Variants in UBR3 observed in about 807,000 individuals in gnomAD.
UBR3 encodes ubiquitin protein ligase E3 component n-recognin 3.
UBR3 carries 85 observed loss-of-function variants against 243.2 expected under a neutral mutation model. The observed-to-expected ratio is 0.35, with a 90% CI of 0.29 to 0.42. The LOEUF (loss-of-function observed/expected upper bound fraction) is 0.42, where lower values mean the gene tolerates loss of function less well. Among genes scored for constraint, UBR3 ranks in the 10% least tolerant of loss-of-function variants. The pLI is 1.00. For missense variants in UBR3, 1,686 were observed against 2,300.8 expected (o/e 0.73, Z 5.47); for synonymous variants, 748 against 799.8 (o/e 0.94, Z 1.09).
At chr2:169,928,368 GTTCT>G (rs1377086939) in intron 17 of UBR3, among the ~76,000 whole-genome samples, 1 of 151,942 alleles carries the variant, frequency 6.6e-6, no homozygotes, top group Admixed American at 6.6e-5. Context: ...TTTTTCACAA[GTTCT>G]TTCTGTTTTT....
intron 1 of UBR3, among the ~76,000 whole-genome samples, chr2:169,850,026 G>A (rs1289940423): frequency 1.3e-5 from 2 of 152,084 alleles, no homozygotes; most frequent in African/African-American, 4.8e-5. Flanking sequence ...GTTTTGTAGT[G>A]GGCACACTTT....
In UBR3 at chr2:169,949,484, A is replaced by C. The variant is rs1170792067; in HGVS notation, c.3085-121A>C. ...AGAAATTTATTTAAAGAGCAAATCT[A>C]TTGAATAAATCTTTGTATGAAACTG... On this transcript the variant is annotated intron_variant, in intron 22 of 38. Coordinates refer to ENST00000272793, the MANE Select transcript of UBR3 (RefSeq NM_172070.4). The C allele has an allele frequency of 5.5e-6, 5 of 902,784 alleles. No homozygotes were observed. In the East Asian group the frequency reaches 1.4e-4, roughly 25 times the overall value. 55.9% of individuals were successfully genotyped at this position (902,784 alleles called of 1,614,324 possible).
At chr2:170,076,391 A>G (rs917299688) in intron 36 of UBR3, among the ~76,000 whole-genome samples, 1 of 152,062 alleles carries the variant, frequency 6.6e-6, no homozygotes, top group Non-Finnish European at 1.5e-5. Flanking sequence ...TGATGTAACC[A>G]TTTTACTTAT....
At chr2:169,901,721 A>G (rs926025060) in intron 8 of UBR3, among the ~76,000 whole-genome samples, 1 of 152,242 alleles carries the variant, frequency 6.6e-6, no homozygotes, top group African/African-American at 2.4e-5. Context: ...TTATAGTAGT[A>G]TGTGATTCCT....
Position 169,958,454 on chromosome 2 carries a change from G to C in UBR3, c.3562G>C (p.Glu1188Gln), listed in dbSNP as rs751006151. 21 of 1,613,124 alleles carry C rather than the reference G, an allele frequency of 1.3e-5. No individual in the cohort carries two copies. The highest frequency in any genetic ancestry group is 1.8e-5 in the Non-Finnish European group (21 of 1,179,340). The change falls in exon 24 of 39, where the codon GAG (glutamate) becomes CAG (glutamine). Residue 1188 changes from glutamate (E) to glutamine (Q), a missense_variant. By Grantham distance (29) the Glu-to-Gln change is conservative. Around this residue, in one of 8 missense-constraint regions of UBR3, gnomAD observed 156 missense variants for 246.3 expected, o/e 0.63. Coordinates refer to ENST00000272793, the MANE Select transcript of UBR3 (RefSeq NM_172070.4). ...DKEERRQKAR[E>Q]RQQKLLAEFA... Reference sequence around the variant, plus strand: ...TTAATCTAGGCGACAGAAGGCTAGAGAGAGGCAGCAGAAATTGCTTGCGGA... The same window carrying C: ...TTAATCTAGGCGACAGAAGGCTAGACAGAGGCAGCAGAAATTGCTTGCGGA...
chr2:170,029,386 T>C lies in UBR3; in HGVS notation c.4494T>C (p.Tyr1498=), dbSNP rs2090612789. ...FHVLALHMRL[Y]SIDSEYNPWR... is the part of the protein sequence containing the mutation. The stretch of plus-strand genomic sequence containing the variant: ...TATTAGCCTTGCACATGCGGCTTTA[T>C]AGCATTGACTCTGAGTATAATCCCT... Residue 1498 remains tyrosine, a synonymous_variant, in exon 31 of 39, where the codon TAT becomes TAC. Coordinates refer to ENST00000272793, the MANE Select transcript of UBR3 (RefSeq NM_172070.4). The C allele has an allele frequency of 3.1e-6, 5 of 1,611,692 alleles. No individual in the cohort carries two copies. Among genetic ancestry groups the C allele is most frequent in the Non-Finnish European group, 1.7e-6 (2 of 1,178,722 alleles).
intron 1 of UBR3, among the ~76,000 whole-genome samples, chr2:169,858,599 AATTT>A (rs1479365050): frequency 6.6e-6 from 1 of 151,212 alleles, no homozygotes; most frequent in Non-Finnish European, 1.5e-5. Context: ...ATTTATTTGA[AATTT>A]ATTTATTTAT....
At chr2:170,070,498 GA>G (rs1386472140) in intron 35 of UBR3, among the ~76,000 whole-genome samples, 1 of 151,578 alleles carries the variant, frequency 6.6e-6, no homozygotes, top group East Asian at 1.9e-4. Flanking sequence ...AGGTAGGCAA[GA>G]AAAAGAAAAA....
rs749215297 is a variant in UBR3 at position 169,896,571 on chromosome 2, A to G, written c.1301A>G (p.His434Arg). ...AFIMKTLKKS[H>R]ESDTMSNRIV... ...ATTATGAAAACACTGAAGAAAAGTC[A>G]TGAATCAGACACAATGTCTAACAGA... Residue 434 changes from histidine (H) to arginine (R), a missense_variant, in exon 8 of 39, where the codon CAT becomes CGT. His to Arg is a conservative substitution (Grantham distance 29, BLOSUM62 0). Transcript: ENST00000272793. 6.4e-7 allele frequency: 1 copy of G among 1,550,622 alleles called. No individual in the cohort carries two copies. The highest frequency in any genetic ancestry group is 1.4e-5 in the African/African-American group (1 of 73,156).
chr2:169,971,652 TTC>T (rs2088152485), intron 24 of UBR3, among the ~76,000 whole-genome samples: 3 of 152,178 alleles, frequency 2.0e-5, no homozygotes, highest in Non-Finnish European at 1.5e-5. Context: ...GCAGCGTTGT[TTC>T]TGAGGGCTCT....
chr2:170,068,488 G>C (rs758064746), intron 35 of UBR3, among the ~76,000 whole-genome samples: 1 of 151,730 alleles, frequency 6.6e-6, no homozygotes, highest in East Asian at 1.9e-4. Context: ...AAAAATGAAC[G>C]AACGCATAAA....
chr2:170,081,539 AAGG>A (rs1398522421), intron 38 of UBR3, among the ~76,000 whole-genome samples, 184 bp from the exon 39 acceptor site: 2 of 151,952 alleles, frequency 1.3e-5, no homozygotes, highest in African/African-American at 4.8e-5. Context: ...AAAATAAAAA[AAGG>A]AGGCAGGCAT....
chr2:169,863,895 T>C (rs771798327), intron 1 of UBR3, among the ~76,000 whole-genome samples: 3 of 152,170 alleles, frequency 2.0e-5, no homozygotes, highest in Non-Finnish European at 2.9e-5. Context: ...CTTATCCTCC[T>C]CCAGAGCTTT....
chr2:169,918,686 C>T (rs1039692625), intron 11 of UBR3, among the ~76,000 whole-genome samples: 2 of 152,124 alleles, frequency 1.3e-5, no homozygotes, highest in Non-Finnish European at 2.9e-5. Flanking sequence ...AGATGGAATA[C>T]ATTTTCCTAT....
intron 19 of UBR3, among the ~76,000 whole-genome samples, chr2:169,937,610 A>T (rs2086395091): frequency 6.6e-6 from 1 of 152,172 alleles, no homozygotes; most frequent in African/African-American, 2.4e-5. Flanking sequence ...GGTATTGCCC[A>T]GGTTTTCCTC....
In UBR3 at chr2:169,827,499, G is replaced by A. The variant is rs1166215461; in HGVS notation, c.-9G>A. 1 of 1,228,128 alleles carries A rather than the reference G, an allele frequency of 8.1e-7. No homozygotes were observed. Among genetic ancestry groups the A allele is most frequent in the Admixed American group, 4.3e-5 (1 of 23,456 alleles). 76.1% of individuals were successfully genotyped at this position (1,228,128 alleles called of 1,614,324 possible). A position where few individuals can be genotyped will look rare whatever the true frequency, so the allele number is the denominator to read the frequency against. ...TGGCCCTGGACTCTCCAAATTCTGA[G>A]CTCTCATCATGGCGGCGGCGGCCGC... is the stretch of plus-strand genomic sequence containing the variant. On this transcript the variant is annotated 5_prime_UTR_variant, in exon 1 of 39. Coordinates refer to ENST00000272793, the MANE Select transcript of UBR3 (RefSeq NM_172070.4).
intron 33 of UBR3, among the ~76,000 whole-genome samples, chr2:170,058,584 C>G (rs1241993078): frequency 6.7e-6 from 1 of 149,748 alleles, no homozygotes; most frequent in Non-Finnish European, 1.5e-5. Context: ...GGCATGATCA[C>G]AGCTCACTGC....
chr2:169,985,670 T>C (rs2088967862), intron 24 of UBR3, among the ~76,000 whole-genome samples: 2 of 152,224 alleles, frequency 1.3e-5, no homozygotes. Context: ...TGTTTTTGTT[T>C]GCTAATTTCT....
At chr2:169,956,987 T>C (rs537730822) in intron 23 of UBR3, among the ~76,000 whole-genome samples, 1 of 152,350 alleles carries the variant, frequency 6.6e-6, no homozygotes, top group Non-Finnish European at 1.5e-5. Flanking sequence ...TTCTGTATTA[T>C]GGGTATGACA....
Sources: gnomAD v4.1 joint callset for allele counts (sites outside exome capture counted in the v4.1 genomes callset) on GRCh38, gnomAD v4.1.1 for gene constraint, gnomAD v4.1.1 regional missense constraint, MANE v1.5 for transcripts, NCBI Gene and HGNC (gene_info 2026-07-23, HGNC 2026-07-21) for gene names.